The following CCN4 variants were observed in gnomAD, a reference collection of about 807,000 sequenced individuals.
CCN4 encodes the protein cellular communication network factor 4, also known as CCN family member 4.
CCN4 carries 30 observed loss-of-function variants against 36.7 expected under a neutral mutation model. The ratio of observed to expected loss-of-function variants is 0.82; its 90% CI spans 0.61 to 1.11. The LOEUF (loss-of-function observed/expected upper bound fraction) is 1.11, where lower values mean the gene tolerates loss of function less well. Among genes scored for constraint, CCN4 ranks in the 50% least tolerant of loss-of-function variants. The probability of loss-of-function intolerance (pLI) is 0.00; values close to 1 mark genes in which losing one functional copy is unlikely to be tolerated. For missense variants in CCN4, 505 were observed against 504.9 expected (o/e 1.00, Z 0.00); for synonymous variants, 191 against 195.4 (o/e 0.98, Z 0.19).
chr8:133,194,296 GTGTGTGTGTGGTGTGTGTGTGTA>G, intron 1 of CCN4, among the ~76,000 whole-genome samples: 1 of 136,278 alleles, frequency 7.3e-6, no homozygotes, highest in Non-Finnish European at 1.6e-5. Context: ...TGTGTCTGGT[GTGTGTGTGTGGTGTGTGTGTGTA>G]TGTGTGTGCC....
intron 1 of CCN4, among the ~76,000 whole-genome samples, chr8:133,208,008 T>TTTTTTTTC (rs56134947): frequency 6.8e-6 from 1 of 146,258 alleles, no homozygotes. Flanking sequence ...TTTTTTTTTT[T>TTTTTTTTC]CATCAGAAAA....
intron 1 of CCN4, among the ~76,000 whole-genome samples, chr8:133,210,105 C>T (rs1853948225): frequency 6.6e-6 from 1 of 152,186 alleles, no homozygotes; most frequent in Non-Finnish European, 1.5e-5. Flanking sequence ...ATCCATTTCA[C>T]CAGTCAACAC....
chr8:133,231,307 C>A lies in CCN4; in HGVS notation c.*3597C>A, dbSNP rs2977551. 1 of 151,794 alleles carries A rather than the reference C, an allele frequency of 6.6e-6. No homozygotes were observed. The highest frequency in any genetic ancestry group is 1.5e-5 in the Non-Finnish European group (1 of 67,956). The allele number at this position is 151,794 out of a possible 1,614,324, so 9.4% of individuals were successfully genotyped here. On this transcript the variant is annotated 3_prime_UTR_variant, in exon 5 of 5. Transcript: ENST00000250160. ...GGGAATCATAAGTCAACTATGTATC[C>A]CTGTGTGTGTATATATATGTATGTA...
chr8:133,213,712 A>G (rs1854153575), intron 2 of CCN4, among the ~76,000 whole-genome samples: 1 of 147,646 alleles, frequency 6.8e-6, no homozygotes, highest in Non-Finnish European at 1.5e-5. Flanking sequence ...TATATTCTAT[A>G]TAGTATAGAA....
intron 1 of CCN4, among the ~76,000 whole-genome samples, chr8:133,195,558 C>T (rs1184078988): frequency 6.6e-6 from 1 of 152,098 alleles, no homozygotes; most frequent in Non-Finnish European, 1.5e-5. Flanking sequence ...CTTTGGGCTC[C>T]CTGAAGCCCC....
chr8:133,212,368 C>T (rs1471759889), intron 1 of CCN4, among the ~76,000 whole-genome samples: 2 of 151,920 alleles, frequency 1.3e-5, no homozygotes, highest in Non-Finnish European at 2.9e-5. Flanking sequence ...CGGGCCGAAA[C>T]CGGTATTAAG....
Position 133,213,110 on chromosome 8 carries a change from G to A in CCN4, c.316G>A (p.Asp106Asn). The A allele has an allele frequency of 1.2e-6, 2 of 1,613,398 alleles. No homozygotes were observed. Among genetic ancestry groups the A allele is most frequent in the South Asian group, 1.1e-5 (1 of 91,068 alleles). The change falls in exon 2 of 5, where the codon GAC (aspartate) becomes AAC (asparagine). Residue 106 changes from aspartate (D) to asparagine (N), a missense_variant. Physicochemically the swap from Asp to Asn is conservative, Grantham distance 23 (BLOSUM62 1). Coordinates refer to ENST00000250160, the MANE Select transcript of CCN4 (RefSeq NM_003882.4). ...GGGCCTCTACTGTGACTACAGCGGG[G>A]ACCGCCCGAGGTACGCAATAGGAGT... ...HRGLYCDYSG[D>N]RPRYAIGVCA...
intron 1 of CCN4, among the ~76,000 whole-genome samples, chr8:133,198,621 C>G (rs1213324767): frequency 6.6e-6 from 1 of 152,252 alleles, no homozygotes; most frequent in Non-Finnish European, 1.5e-5. Flanking sequence ...CCATGCTTCT[C>G]TGATTCATGA....
intron 1 of CCN4, among the ~76,000 whole-genome samples, chr8:133,196,438 T>G (rs185143225): frequency 1.9e-3 from 287 of 152,374 alleles, no homozygotes; most frequent in African/African-American, 6.4e-3. Flanking sequence ...ACACAATCTA[T>G]TATTCCACTA....
At chr8:133,203,176 C>T (rs941924138) in intron 1 of CCN4, among the ~76,000 whole-genome samples, 31 of 152,334 alleles carry the variant, frequency 2.0e-4, no homozygotes, top group African/African-American at 7.2e-4. Flanking sequence ...GTGCCAGGCG[C>T]AGTGCCGGGC....
At chr8:133,203,961 A>T (rs1202556594) in intron 1 of CCN4, among the ~76,000 whole-genome samples, 4 of 152,242 alleles carry the variant, frequency 2.6e-5, no homozygotes, top group Non-Finnish European at 5.9e-5. Context: ...ACACCATAAT[A>T]ATCAGTTACC....
chr8:133,213,277 C>G (rs1854134918), intron 2 of CCN4, 134 bp downstream of exon 2: 2 of 1,095,148 alleles, frequency 1.8e-6, no homozygotes, highest in African/African-American at 3.1e-5. Context: ...ACCCCATGAT[C>G]AGAGGCCAGA....
At chr8:133,191,427 G>A (rs1312673904) in intron 1 of CCN4, among the ~76,000 whole-genome samples, 1 of 152,136 alleles carries the variant, frequency 6.6e-6, no homozygotes, top group Non-Finnish European at 1.5e-5. Flanking sequence ...GACACTTGGG[G>A]AAACAAACTG....
chr8:133,207,611 C>T (rs1853827192), intron 1 of CCN4, among the ~76,000 whole-genome samples: 2 of 152,206 alleles, frequency 1.3e-5, no homozygotes, highest in South Asian at 4.1e-4. Flanking sequence ...CCTCTCTGTG[C>T]CTCTGTGTTC....
At chr8:133,222,005 A>G (rs973231354) in intron 3 of CCN4, among the ~76,000 whole-genome samples, 2 of 151,530 alleles carry the variant, frequency 1.3e-5, no homozygotes, top group Non-Finnish European at 2.9e-5. Context: ...TGGATGGATG[A>G]ATGGATGAAC....
intron 1 of CCN4, among the ~76,000 whole-genome samples, chr8:133,204,955 G>C (rs873873): frequency 0.09 from 13,680 of 152,286 alleles, 728 homozygotes; most frequent in South Asian, 0.16. Flanking sequence ...GCTCCTCCCA[G>C]GCCCCTTAGG....
In CCN4 at chr8:133,220,855, C is replaced by T. The variant is rs760131537; in HGVS notation, c.610+14C>T. The T allele has an allele frequency of 2.9e-5, 46 of 1,589,172 alleles. No individual in the cohort carries two copies. Among genetic ancestry groups the T allele is most frequent in the Non-Finnish European group, 3.5e-5 (41 of 1,163,132 alleles). On this transcript the variant is annotated intron_variant, in intron 3 of 4. Transcript: ENST00000250160. ...CAGGAGCCTTCGGTGGGTGTGGGCC[C>T]GAGTGGGCTGGGGGTGGGACCCTAC...
chr8:133,229,638 A>C lies in CCN4; in HGVS notation c.*1928A>C, dbSNP rs1466571216. On this transcript the variant is annotated 3_prime_UTR_variant, in exon 5 of 5. Transcript: ENST00000250160. ...CATCCTCCTTACTGTGACCTCCCCA[A>C]AACCTAGTCCAGTGCAAGGTATACA... 6.6e-6 allele frequency: 1 copy of C among 152,212 alleles called. No individual in the cohort carries two copies. The highest frequency in any genetic ancestry group is 6.5e-5 in the Admixed American group (1 of 15,278). 9.4% of individuals were successfully genotyped at this position (152,212 alleles called of 1,614,324 possible). A position where few individuals can be genotyped will look rare whatever the true frequency, so the allele number is the denominator to read the frequency against.
rs940920868 is a variant in CCN4 at position 133,228,055 on chromosome 8, T to C, written c.*345T>C. 1 of 212,762 alleles carries C rather than the reference T, an allele frequency of 4.7e-6. No individual in the cohort carries two copies. The highest frequency in any genetic ancestry group is 9.4e-6 in the Non-Finnish European group (1 of 106,824). The allele number at this position is 212,762 out of a possible 1,614,324, so 13.2% of individuals were successfully genotyped here. On this transcript the variant is annotated 3_prime_UTR_variant, in exon 5 of 5. Transcript: ENST00000250160. The stretch of plus-strand genomic sequence containing the variant: ...TCAGGTAGACTTTTAATATCACTAA[T>C]TTCTTCTTTAGATGCCAAACCACAA...
Sources: gnomAD v4.1 joint callset for allele counts (sites outside exome capture counted in the v4.1 genomes callset) on GRCh38, gnomAD v4.1.1 for gene constraint, MANE v1.5 for transcripts, NCBI Gene and HGNC (gene_info 2026-07-23, HGNC 2026-07-21) for gene names.